CCDC141: variants seen among roughly 807,000 people sequenced by gnomAD.
CCDC141 encodes coiled-coil domain containing 141.
In CCDC141, 168 loss-of-function variants were observed where a neutral mutation model predicts 181.0. That is an observed-to-expected ratio of 0.93 (90% CI 0.82 to 1.05). The LOEUF (loss-of-function observed/expected upper bound fraction) is 1.05, where lower values mean the gene tolerates loss of function less well. Ranked by LOEUF, CCDC141 falls within the 50% of genes least tolerant of loss-of-function variation. CCDC141 has a pLI of 0.00. For missense variants in CCDC141, 1,902 were observed against 1,788.5 expected (o/e 1.06, Z -1.14); for synonymous variants, 666 against 642.3 (o/e 1.04, Z -0.56).
At chr2:178,858,595 C>G (rs1232240655) in intron 17 of CCDC141, among the ~76,000 whole-genome samples, 2 of 152,040 alleles carry the variant, frequency 1.3e-5, no homozygotes, top group Non-Finnish European at 2.9e-5. Flanking sequence ...TACTTAATAC[C>G]ACTAAACTAT....
chr2:178,816,884 G>A, the CCDC141 span, among the ~76,000 whole-genome samples: 5 of 152,170 alleles, frequency 3.3e-5, no homozygotes, highest in South Asian at 2.1e-4. Context: ...CTCATTCCCT[G>A]AGTAAATCAT....
chr2:179,010,034 A>G (rs1384119932), intron 2 of CCDC141, among the ~76,000 whole-genome samples: 1 of 152,196 alleles, frequency 6.6e-6, no homozygotes, highest in Non-Finnish European at 1.5e-5. Flanking sequence ...AGAATTGAAC[A>G]TGTAGAAGAA....
intron 2 of CCDC141, among the ~76,000 whole-genome samples, chr2:179,012,345 C>T (rs1219282800): frequency 6.6e-6 from 1 of 152,064 alleles, no homozygotes; most frequent in Non-Finnish European, 1.5e-5. Context: ...ACTATGAACA[C>T]TTTCATGCAC....
At chr2:178,940,805 C>T (rs1384141520) in intron 6 of CCDC141, among the ~76,000 whole-genome samples, 1 of 152,164 alleles carries the variant, frequency 6.6e-6, no homozygotes, top group African/African-American at 2.4e-5. Context: ...TAAAAAAATA[C>T]TGCTACTTCC....
intron 2 of CCDC141, among the ~76,000 whole-genome samples, chr2:178,989,706 C>A (rs1444646802): frequency 6.7e-6 from 1 of 150,096 alleles, no homozygotes; most frequent in South Asian, 2.1e-4. Flanking sequence ...GACATTTCTC[C>A]AACAAAGATA....
chr2:178,986,139 C>T (rs1222946900), intron 2 of CCDC141, among the ~76,000 whole-genome samples: 3 of 152,196 alleles, frequency 2.0e-5, no homozygotes, highest in African/African-American at 4.8e-5. Context: ...GGCTTCATCC[C>T]TGGGATGGAA....
chr2:178,981,636 G>GTATATAAATATATATATATA (rs1691400164), intron 2 of CCDC141, among the ~76,000 whole-genome samples: 2 of 62,404 alleles, frequency 3.2e-5, no homozygotes, highest in African/African-American at 1.1e-4. Context: ...GTGTGTGTGT[G>GTATATAAATATATATATATA]TATATATATA....
At chr2:178,844,862 G>A (rs1158660356) in intron 22 of CCDC141, among the ~76,000 whole-genome samples, 1 of 152,212 alleles carries the variant, frequency 6.6e-6, no homozygotes, top group African/African-American at 2.4e-5. Context: ...CCTCAGGAGA[G>A]AAACACTGGG....
chr2:179,047,113 T>A (rs1434041908), intron 2 of CCDC141, among the ~76,000 whole-genome samples, 171 bp downstream of exon 2: 1 of 152,260 alleles, frequency 6.6e-6, no homozygotes, highest in Non-Finnish European at 1.5e-5. Context: ...AAAATATTGT[T>A]ACTTCTCTCT....
In CCDC141 at chr2:178,961,456, A is replaced by G. The variant is rs891954513; in HGVS notation, c.554T>C (p.Leu185Ser). Residue 185 changes from leucine to serine, a missense_variant, in exon 5 of 24, where the codon TTA (leucine) becomes TCA (serine). Physicochemically the swap from Leu to Ser is moderately radical, Grantham distance 145 (BLOSUM62 -2). Coordinates refer to ENST00000443758, the MANE Select transcript of CCDC141 (RefSeq NM_173648.4). ...KELLERSLALLNKSQQLTDFI... is the reference protein window; with the variant it reads ...KELLERSLALSNKSQQLTDFI... ...GTCAGTGAGTTGTTGACTTTTGTTT[A>G]AAAGGGCTAAAGACCGTTCCAAGAG... The G allele has an allele frequency of 6.5e-7, 1 of 1,550,134 alleles. No individual in the cohort carries two copies. Among genetic ancestry groups the G allele is most frequent in the African/African-American group, 1.4e-5 (1 of 73,034 alleles).
chr2:178,847,923 G>A (rs1281476968), intron 21 of CCDC141, among the ~76,000 whole-genome samples: 1 of 152,158 alleles, frequency 6.6e-6, no homozygotes, highest in Non-Finnish European at 1.5e-5. Context: ...ACAGCTACCA[G>A]GAAGTCCTCA....
intron 20 of CCDC141, among the ~76,000 whole-genome samples, chr2:178,852,763 T>C (rs1685215861): frequency 6.6e-6 from 1 of 152,208 alleles, no homozygotes; most frequent in Non-Finnish European, 1.5e-5. Context: ...ACCAGGGAAT[T>C]CATGGAACTT....
intron 2 of CCDC141, among the ~76,000 whole-genome samples, chr2:179,046,626 C>A (rs1218368692): frequency 2.6e-5 from 4 of 152,304 alleles, no homozygotes; most frequent in African/African-American, 7.2e-5. Flanking sequence ...TAAAAAACAC[C>A]ATGATGGGTC....
rs770763316 is a variant in CCDC141 at position 178,855,437 on chromosome 2, C to A, written c.2970G>T (p.Leu990Phe). 6.2e-6 allele frequency: 10 copies of A among 1,611,718 alleles called. 1 individual carries two copies. In the Admixed American group the frequency reaches 1.7e-4, roughly 27 times the overall value. The change falls in exon 19 of 24, where the codon TTG becomes TTT. Residue 990 changes from leucine to phenylalanine, a missense_variant. Leu to Phe is a conservative substitution (Grantham distance 22). Coordinates refer to ENST00000443758, the MANE Select transcript of CCDC141 (RefSeq NM_173648.4). ...TGTCAAAGTCATCCACATGTTTTTGCAAATCCTTCATGACTTCCAAAAGGA... is the reference window on the plus strand; with the variant it reads ...TGTCAAAGTCATCCACATGTTTTTGAAAATCCTTCATGACTTCCAAAAGGA... Reference protein sequence around the residue: ...VNVLLEVMKDLQKHVDDFDKV... With the variant: ...VNVLLEVMKDFQKHVDDFDKV...
Position 178,914,588 on chromosome 2 carries a change from G to A in CCDC141, c.1092+4125C>T, listed in dbSNP as rs576318975. Among the ~76,000 whole-genome samples, 88 of 152,268 alleles carry A rather than the reference G, an allele frequency of 5.8e-4. 1 individual carries two copies. Among genetic ancestry groups the A allele is most frequent in the African/African-American group, 1.7e-3 (72 of 41,526 alleles). On this transcript the variant is annotated intron_variant, in intron 7 of 23. Transcript: ENST00000443758. ...TTAAAGGTAATCAATTGCACTCCTG[G>A]AGCCACTGGACAAAGGCAGTGGGGG...
At chr2:178,893,825 A>ACACG (rs1553479623) in intron 8 of CCDC141, among the ~76,000 whole-genome samples, 41 of 104,272 alleles carry the variant, frequency 3.9e-4, no homozygotes, top group Middle Eastern at 4.7e-3. Flanking sequence ...ACACACACGC[A>ACACG]CACACACACA....
chr2:179,022,412 C>T (rs1238157374), intron 2 of CCDC141, among the ~76,000 whole-genome samples: 2 of 152,138 alleles, frequency 1.3e-5, no homozygotes, highest in African/African-American at 4.8e-5. Flanking sequence ...GAGCACTAAG[C>T]TAACGTCTGT....
intron 22 of CCDC141, among the ~76,000 whole-genome samples, chr2:178,844,647 G>A (rs1561628429): frequency 6.6e-6 from 1 of 152,132 alleles, no homozygotes; most frequent in Non-Finnish European, 1.5e-5. Context: ...ACCAGGCCTT[G>A]ACATAGATTA....
chr2:178,902,141 G>A (rs1687726423), intron 8 of CCDC141, among the ~76,000 whole-genome samples: 1 of 152,168 alleles, frequency 6.6e-6, no homozygotes, highest in Admixed American at 6.5e-5. Flanking sequence ...CCATGCTCAT[G>A]GGTAGGAAGA....
Sources: gnomAD v4.1 joint callset for allele counts (sites outside exome capture counted in the v4.1 genomes callset) on GRCh38, gnomAD v4.1.1 for gene constraint, MANE v1.5 for transcripts, NCBI Gene and HGNC (gene_info 2026-07-23, HGNC 2026-07-21) for gene names.